The following TMEM132C variants were observed in gnomAD, a reference collection of about 807,000 sequenced individuals.
TMEM132C encodes protein phosphatase 1, regulatory subunit 152.
TMEM132C carries 29 observed loss-of-function variants against 61.4 expected under a neutral mutation model. The ratio of observed to expected loss-of-function variants is 0.47; its 90% confidence interval spans 0.35 to 0.64. TMEM132C has a LOEUF of 0.64. TMEM132C is among the 30% of genes least tolerant of loss of function. TMEM132C has a pLI of 0.00. For synonymous variants in TMEM132C, 656 were observed against 633.1 expected (o/e 1.04, Z -0.54); for missense variants, 1,408 against 1,476.9 (o/e 0.95, Z 0.76).
chr12:128,363,794 G>A (rs373819338), intron 1 of TMEM132C, among the ~76,000 whole-genome samples: 4 of 146,570 alleles, frequency 2.7e-5, no homozygotes, highest in East Asian at 2.0e-4. Context: ...GCAGTGAGCC[G>A]AGATCACATC....
At chr12:128,290,946 A>T in intron 1 of TMEM132C, among the ~76,000 whole-genome samples, 1 of 152,136 alleles carries the variant, frequency 6.6e-6, no homozygotes, top group East Asian at 1.9e-4. Context: ...TCTGATGTAT[A>T]CATATCCCAC....
chr12:128,527,683 G>A (rs1032666946), intron 2 of TMEM132C, among the ~76,000 whole-genome samples: 1 of 148,106 alleles, frequency 6.8e-6, no homozygotes, highest in African/African-American at 2.5e-5. Flanking sequence ...GTATGTGAAC[G>A]TGCATGTACG....
chr12:128,315,637 T>C (rs1447591358), intron 1 of TMEM132C, among the ~76,000 whole-genome samples: 1 of 152,142 alleles, frequency 6.6e-6, no homozygotes, highest in Admixed American at 6.5e-5. Context: ...GATTGAATAG[T>C]GGCCCCCCAA....
chr12:128,390,943 G>A (rs114538003), intron 1 of TMEM132C, among the ~76,000 whole-genome samples: 1,914 of 152,302 alleles, frequency 0.013, 36 homozygotes, highest in African/African-American at 0.042. Flanking sequence ...AGGCTTTTAT[G>A]TTGAAGCTGT....
At chr12:128,410,264 G>A (rs1276565312) in intron 1 of TMEM132C, among the ~76,000 whole-genome samples, 3 of 152,100 alleles carry the variant, frequency 2.0e-5, no homozygotes, top group Non-Finnish European at 4.4e-5. Flanking sequence ...CTCAAATGGT[G>A]ACATTTGACC....
At chr12:128,301,365 A>C (rs1871590455) in intron 1 of TMEM132C, among the ~76,000 whole-genome samples, 2 of 152,212 alleles carry the variant, frequency 1.3e-5, no homozygotes, top group Admixed American at 1.3e-4. Context: ...TGCCCCTTAA[A>C]ATAAGTTTTT....
At chr12:128,588,679 G>A (rs890704266) in intron 3 of TMEM132C, among the ~76,000 whole-genome samples, 2 of 152,080 alleles carry the variant, frequency 1.3e-5, no homozygotes, top group African/African-American at 2.4e-5. Context: ...TCAGGGATGC[G>A]ATTCACGCCT....
At chr12:128,662,587 C>T (rs1227211443) in intron 4 of TMEM132C, among the ~76,000 whole-genome samples, 1 of 152,188 alleles carries the variant, frequency 6.6e-6, no homozygotes, top group Non-Finnish European at 1.5e-5. Flanking sequence ...CATGTATGGG[C>T]TATGTCCCCA....
chr12:128,367,460 T>C (rs1387928866), intron 1 of TMEM132C, among the ~76,000 whole-genome samples: 1 of 152,102 alleles, frequency 6.6e-6, no homozygotes, highest in Non-Finnish European at 1.5e-5. Flanking sequence ...CCCCAGAGGG[T>C]TGGAAAACAA....
chr12:128,335,582 A>G (rs990338168), intron 1 of TMEM132C, among the ~76,000 whole-genome samples: 1 of 152,228 alleles, frequency 6.6e-6, no homozygotes, highest in Non-Finnish European at 1.5e-5. Context: ...TTTGATTATC[A>G]TTGTAGCTCA....
At chr12:128,616,035 C>T (rs1482017202) in intron 3 of TMEM132C, 117 bp from the exon 4 acceptor site, 2 of 1,301,562 alleles carry the variant, frequency 1.5e-6, no homozygotes, top group Non-Finnish European at 2.1e-6. Flanking sequence ...CCCACCAAAA[C>T]CCTGGAGCCA....
intron 1 of TMEM132C, among the ~76,000 whole-genome samples, chr12:128,280,239 A>T (rs1361001718): frequency 1.3e-5 from 2 of 152,178 alleles, no homozygotes; most frequent in African/African-American, 4.8e-5. Context: ...GCCCCCGTCA[A>T]TTTGAGGTGA....
intron 1 of TMEM132C, among the ~76,000 whole-genome samples, chr12:128,322,337 G>A (rs571499933): frequency 4.6e-5 from 7 of 152,212 alleles, no homozygotes; most frequent in Non-Finnish European, 8.8e-5. Context: ...CATTTGAACC[G>A]CCTTGAGTAA....
chr12:128,385,344 CG>C lies in TMEM132C; in HGVS notation c.86-29387del, dbSNP rs1874542972. Among the ~76,000 whole-genome samples the C allele has an allele frequency of 6.2e-5, 6 of 96,584 alleles. No homozygotes were observed. In the South Asian group the frequency reaches 1.7e-3, roughly 27 times the overall value. The allele number at this position is 96,584 out of a possible 152,430, so 63.4% of individuals were successfully genotyped here. A position where few individuals can be genotyped will look rare whatever the true frequency, so the allele number is the denominator to read the frequency against. On this transcript the variant is annotated intron_variant, in intron 1 of 8. Coordinates refer to ENST00000435159, the MANE Select transcript of TMEM132C (RefSeq NM_001136103.3). Reference sequence around the variant, plus strand: ...TCATTGTAAAGATTTAAGACATAAACGCCGAGTCCTCGCACAGAGCCTGATA... The same window carrying C: ...TCATTGTAAAGATTTAAGACATAAACCCGAGTCCTCGCACAGAGCCTGATA...
intron 4 of TMEM132C, among the ~76,000 whole-genome samples, chr12:128,658,735 A>G (rs1376156706): frequency 6.6e-6 from 1 of 152,212 alleles, no homozygotes; most frequent in Non-Finnish European, 1.5e-5. Flanking sequence ...GTTCTCCCCA[A>G]TTCAAATCTC....
At chr12:128,371,873 C>G (rs1458296073) in intron 1 of TMEM132C, among the ~76,000 whole-genome samples, 1 of 152,198 alleles carries the variant, frequency 6.6e-6, no homozygotes, top group African/African-American at 2.4e-5. Context: ...GCCACTGCAC[C>G]CAGCCTCTTT....
At chr12:128,493,780 T>C (rs2136103055) in intron 2 of TMEM132C, among the ~76,000 whole-genome samples, 1 of 152,326 alleles carries the variant, frequency 6.6e-6, no homozygotes, top group South Asian at 2.1e-4. Flanking sequence ...AGGTATACAA[T>C]CATGTCATCT....
At chr12:128,496,346 G>C (rs1419376006) in intron 2 of TMEM132C, among the ~76,000 whole-genome samples, 1 of 152,002 alleles carries the variant, frequency 6.6e-6, no homozygotes, top group Non-Finnish European at 1.5e-5. Context: ...TCTTTGTGGC[G>C]TTCTCTGTAT....
intron 1 of TMEM132C, among the ~76,000 whole-genome samples, chr12:128,380,001 A>T (rs541817554): frequency 6.6e-6 from 1 of 152,246 alleles, no homozygotes; most frequent in African/African-American, 2.4e-5. Context: ...TCTGCCACTG[A>T]AGAGCCAAAG....
Sources: allele counts gnomAD v4.1 joint callset (sites outside exome capture counted in the v4.1 genomes callset), GRCh38; gene constraint gnomAD v4.1.1; transcripts MANE v1.5; gene names NCBI Gene and HGNC (gene_info 2026-07-23, HGNC 2026-07-21).